GALNTL6: variants seen among roughly 807,000 people sequenced by gnomAD.
The protein encoded by GALNTL6 is polypeptide N-acetylgalactosaminyltransferase-like 6.
GALNTL6 carries 46 observed loss-of-function variants against 73.7 expected under a neutral mutation model. That is an observed-to-expected ratio of 0.62 (90% CI 0.49 to 0.80). The LOEUF (loss-of-function observed/expected upper bound fraction) is 0.80. GALNTL6 is among the 30% of genes least tolerant of loss of function. The pLI is 0.00. For synonymous variants in GALNTL6, 259 were observed against 263.7 expected (o/e 0.98, Z 0.17); for missense variants, 604 against 755.0 (o/e 0.80, Z 2.34).
At chr4:172,520,625 G>T (rs1734747475) in intron 5 of GALNTL6, among the ~76,000 whole-genome samples, 1 of 150,020 alleles carries the variant, frequency 6.7e-6, no homozygotes, top group African/African-American at 2.5e-5. Context: ...ATTTTCCTCT[G>T]TGAAGAATGT....
chr4:172,914,313 A>G (rs1747380822), intron 8 of GALNTL6, among the ~76,000 whole-genome samples: 1 of 152,232 alleles, frequency 6.6e-6, no homozygotes, highest in Non-Finnish European at 1.5e-5. Context: ...TGTAAAGACC[A>G]TCAATGCTAG....
At chr4:172,919,531 C>A (rs1345533146) in intron 8 of GALNTL6, among the ~76,000 whole-genome samples, 1 of 152,068 alleles carries the variant, frequency 6.6e-6, no homozygotes, top group Non-Finnish European at 1.5e-5. Context: ...GATTGACAGC[C>A]CAAGTGAGCG....
At chr4:172,222,053 T>A (rs1196366681) in intron 2 of GALNTL6, among the ~76,000 whole-genome samples, 1 of 151,810 alleles carries the variant, frequency 6.6e-6, no homozygotes, top group African/African-American at 2.4e-5. Context: ...TAAGAAGCAA[T>A]AATATAGGAG....
intron 5 of GALNTL6, among the ~76,000 whole-genome samples, chr4:172,719,840 T>C (rs1187086973): frequency 6.6e-6 from 1 of 152,162 alleles, no homozygotes; most frequent in Non-Finnish European, 1.5e-5. Flanking sequence ...CGAGGGCTGC[T>C]GGCTGCCCGT....
chr4:172,990,139 A>G lies in GALNTL6; in HGVS notation c.1372-19039A>G, dbSNP rs149270879. On this transcript the variant is annotated intron_variant, in intron 10 of 12. Transcript: ENST00000506823. ...TTTGATTCCTTCAAGCAGTCTGTTT[A>G]TATCTGAAAGCATGTCATTCCAATT... Among the ~76,000 whole-genome samples, 57 of 152,318 alleles carry G rather than the reference A, an allele frequency of 3.7e-4. 4 individuals carry two copies. The East Asian group carries it at 0.011, about 29-fold the overall frequency.
chr4:172,548,761 CTAAG>C (rs1176919266), intron 5 of GALNTL6, among the ~76,000 whole-genome samples: 1 of 152,080 alleles, frequency 6.6e-6, no homozygotes, highest in African/African-American at 2.4e-5. Flanking sequence ...ATTTAGTCTT[CTAAG>C]TGTTTTCAGA....
intron 2 of GALNTL6, among the ~76,000 whole-genome samples, chr4:171,986,434 T>G (rs1265917790): frequency 1.3e-5 from 2 of 152,106 alleles, no homozygotes; most frequent in African/African-American, 4.8e-5. Flanking sequence ...ACAGGGGATA[T>G]GATGGCTTAG....
intron 11 of GALNTL6, among the ~76,000 whole-genome samples, chr4:173,012,591 A>G (rs1752604585): frequency 6.6e-6 from 1 of 152,136 alleles, no homozygotes; most frequent in Non-Finnish European, 1.5e-5. Flanking sequence ...GAAGTTGTGA[A>G]ATCTTTCTAG....
Position 172,395,166 on chromosome 4 carries a change from G to A in GALNTL6, c.553+46477G>A, listed in dbSNP as rs1743803605. 2.6e-5 allele frequency among the ~76,000 whole-genome samples: 4 copies of A among 152,038 alleles called. No homozygotes were observed. The South Asian group carries it at 8.3e-4, about 32-fold the overall frequency. ...TGTTAATTAACTTATGTCCAAAGAG[G>A]CCATCACTACCATTCCTTAGTCAAG... is the stretch of plus-strand genomic sequence containing the variant. On this transcript the variant is annotated intron_variant, in intron 5 of 12. Coordinates refer to ENST00000506823, the MANE Select transcript of GALNTL6 (RefSeq NM_001034845.3).
At chr4:172,989,942 G>T (rs372747106) in intron 10 of GALNTL6, among the ~76,000 whole-genome samples, 1 of 152,124 alleles carries the variant, frequency 6.6e-6, no homozygotes, top group Non-Finnish European at 1.5e-5. Context: ...GAGCCCAGCC[G>T]CAAATTTATC....
chr4:172,905,118 AT>A (rs1247721900), intron 8 of GALNTL6, among the ~76,000 whole-genome samples: 7 of 152,322 alleles, frequency 4.6e-5, no homozygotes, highest in African/African-American at 1.7e-4. Flanking sequence ...ATGTCATCAA[AT>A]TTAATTTCTT....
rs558107220 is a variant in GALNTL6, at chr4:172,525,597, T to A, written c.553+176908T>A. 3.3e-5 allele frequency among the ~76,000 whole-genome samples: 5 copies of A among 152,316 alleles called. No homozygotes were observed. The East Asian group carries it at 9.6e-4, about 29-fold the overall frequency. ...TTATCTATGGGTCGGGCACAGTGAC[T>A]AACACTTACAATCCCAGAGCTTTGA... On this transcript the variant is annotated intron_variant, in intron 5 of 12. Coordinates refer to ENST00000506823, the MANE Select transcript of GALNTL6 (RefSeq NM_001034845.3).
rs1460982982 is a variant in GALNTL6 at position 173,010,769 on chromosome 4, A to T, written c.1488+1475A>T. 8.5e-4 allele frequency among the ~76,000 whole-genome samples: 107 copies of T among 125,802 alleles called. No homozygotes were observed. The East Asian group carries it at 0.017, about 20-fold the overall frequency. The allele number at this position is 125,802 out of a possible 152,430, so 82.5% of individuals were successfully genotyped here. ...ACCACCATGCCCAGCTAATTTTTGT[A>T]TTTTTTTTTTTTTTTTTAGTAGAGA... On this transcript the variant is annotated intron_variant, in intron 11 of 12. Coordinates refer to ENST00000506823, the MANE Select transcript of GALNTL6 (RefSeq NM_001034845.3).
intron 5 of GALNTL6, among the ~76,000 whole-genome samples, chr4:172,469,888 C>T (rs1366265214): frequency 1.3e-5 from 2 of 152,146 alleles, no homozygotes; most frequent in Admixed American, 6.5e-5. Context: ...TCACAAATGA[C>T]CTAGGCAGCC....
chr4:172,662,189 T>G (rs905659995), intron 5 of GALNTL6, among the ~76,000 whole-genome samples: 3 of 152,220 alleles, frequency 2.0e-5, no homozygotes, highest in African/African-American at 7.2e-5. Flanking sequence ...ATATTTCAGT[T>G]GAGATCTGAA....
At chr4:172,048,722 T>C (rs1387619337) in intron 2 of GALNTL6, among the ~76,000 whole-genome samples, 4 of 151,690 alleles carry the variant, frequency 2.6e-5, no homozygotes, top group African/African-American at 9.7e-5. Flanking sequence ...CACTGAAAAG[T>C]TTTTCATTTT....
chr4:172,205,274 A>T (rs998661132), intron 2 of GALNTL6, among the ~76,000 whole-genome samples: 1 of 152,202 alleles, frequency 6.6e-6, no homozygotes, highest in Non-Finnish European at 1.5e-5. Context: ...GATCTGCAAA[A>T]TTTTTCAGGA....
chr4:171,987,872 A>G (rs1198847432), intron 2 of GALNTL6, among the ~76,000 whole-genome samples: 2 of 152,160 alleles, frequency 1.3e-5, no homozygotes, highest in East Asian at 3.9e-4. Flanking sequence ...AGATACAGTC[A>G]TGGGGGTCAG....
chr4:172,203,309 G>A (rs1184328470), intron 2 of GALNTL6, among the ~76,000 whole-genome samples: 1 of 152,166 alleles, frequency 6.6e-6, no homozygotes, highest in African/African-American at 2.4e-5. Flanking sequence ...CAAAGAAAGG[G>A]AAGAATATGT....
Sources: allele counts gnomAD v4.1 joint callset (sites outside exome capture counted in the v4.1 genomes callset), GRCh38; gene constraint gnomAD v4.1.1; transcripts MANE v1.5; gene names NCBI Gene and HGNC (gene_info 2026-07-23, HGNC 2026-07-21).